The following ATG7 variants were observed in gnomAD, a reference collection of about 807,000 sequenced individuals.
ATG7 encodes autophagy related 7, also known as ubiquitin-like modifier-activating enzyme ATG7.
In ATG7, 70 loss-of-function variants were observed where a neutral mutation model predicts 82.4. The ratio of observed to expected loss-of-function variants is 0.85; its 90% confidence interval spans 0.70 to 1.04. ATG7 has a LOEUF of 1.04. Among genes scored for constraint, ATG7 ranks in the 50% least tolerant of loss-of-function variants. ATG7 has a pLI of 0.00. For synonymous variants in ATG7, 287 were observed against 313.0 expected, an observed-to-expected ratio of 0.92 and a Z score of 0.88; for missense variants, 792 against 864.3, an observed-to-expected ratio of 0.92 and a Z score of 1.05.
At chr3:11,411,368 G>A (rs1353627706) in intron 19 of ATG7, among the ~76,000 whole-genome samples, 1 of 152,100 alleles carries the variant, frequency 6.6e-6, no homozygotes, top group African/African-American at 2.4e-5. Flanking sequence ...GCTCATGCCT[G>A]TAATCCCAGC....
intron 1 of ATG7, among the ~76,000 whole-genome samples, chr3:11,273,091 G>A (rs998283854): frequency 2.6e-5 from 4 of 152,210 alleles, no homozygotes; most frequent in African/African-American, 9.7e-5. Context: ...GCACGTGCGT[G>A]CAGTTTCCTG....
intron 19 of ATG7, among the ~76,000 whole-genome samples, chr3:11,390,180 A>C (rs2078679529): frequency 6.6e-6 from 1 of 152,214 alleles, no homozygotes; most frequent in Non-Finnish European, 1.5e-5. Context: ...CCTTCCATAA[A>C]ATTGCTAATA....
chr3:11,359,141 C>T (rs1056307498), intron 15 of ATG7, among the ~76,000 whole-genome samples: 1 of 151,820 alleles, frequency 6.6e-6, no homozygotes, highest in African/African-American at 2.4e-5. Flanking sequence ...TAAGTATCTA[C>T]TTATCTGTCT....
At chr3:11,420,776 A>C (rs1272183975) in intron 19 of ATG7, among the ~76,000 whole-genome samples, 1 of 97,942 alleles carries the variant, frequency 1.0e-5, no homozygotes, top group African/African-American at 4.4e-5. Flanking sequence ...TTTTTTTTTG[A>C]GACAGAGTCT....
chr3:11,504,798 C>T (rs1485451172), intron 20 of ATG7, among the ~76,000 whole-genome samples: 1 of 152,086 alleles, frequency 6.6e-6, no homozygotes, highest in African/African-American at 2.4e-5. Flanking sequence ...ACATGGCTTA[C>T]CTAGATACAG....
chr3:11,392,494 A>G (rs2078900631), intron 19 of ATG7, among the ~76,000 whole-genome samples: 1 of 151,776 alleles, frequency 6.6e-6, no homozygotes, highest in African/African-American at 2.4e-5. Flanking sequence ...ACAAAACAAA[A>G]AAACAAAAGC....
chr3:11,559,472 T>A, downstream of ATG7: 1 of 1,542,724 alleles, frequency 6.5e-7, no homozygotes, highest in Non-Finnish European at 8.7e-7. Flanking sequence ...GGAGGAGGGG[T>A]GTCAGTATGT....
chr3:11,501,728 T>C (rs1410355311), intron 20 of ATG7, among the ~76,000 whole-genome samples: 1 of 152,154 alleles, frequency 6.6e-6, no homozygotes, highest in Non-Finnish European at 1.5e-5. Context: ...CTCCCTCTGT[T>C]GCCCAGGCTG....
chr3:11,362,831 T>G lies in ATG7; in HGVS notation c.1702T>G (p.Leu568Val). 1 of 1,614,036 alleles carries G rather than the reference T, an allele frequency of 6.2e-7. No homozygotes were observed. The highest frequency in any genetic ancestry group is 8.5e-7 in the Non-Finnish European group (1 of 1,179,946). ...APGDSTRDRT[L>V]DQQCTVSRPG... ...TTTGCAGTCAACCAGAGACCGGACC[T>G]TGGACCAGCAGTGCACTGTGAGTCG... is the stretch of plus-strand genomic sequence containing the variant. Residue 568 changes from leucine (L) to valine (V), a missense_variant, in exon 17 of 21, where the codon TTG becomes GTG. Coordinates refer to ENST00000693202, the MANE Select transcript of ATG7 (RefSeq NM_001349232.2).
chr3:11,379,011 G>A (rs1163475737), intron 18 of ATG7, among the ~76,000 whole-genome samples: 2 of 152,048 alleles, frequency 1.3e-5, no homozygotes, highest in African/African-American at 4.8e-5. Flanking sequence ...TTCTGAGAGG[G>A]AGGGAAGCAG....
intron 20 of ATG7, among the ~76,000 whole-genome samples, chr3:11,513,185 C>T (rs1483736288): frequency 4.6e-5 from 7 of 152,268 alleles, no homozygotes; most frequent in African/African-American, 1.7e-4. Flanking sequence ...TGGCTTCACC[C>T]AGTGGATCCC....
intron 3 of ATG7, chr3:11,290,662 G>T: frequency 4.3e-6 from 1 of 230,502 alleles, no homozygotes; most frequent in Non-Finnish European, 8.8e-6. Flanking sequence ...ACCACTATCT[G>T]CAATTAATAT....
intron 20 of ATG7, among the ~76,000 whole-genome samples, chr3:11,542,847 G>A (rs367585913): frequency 6.6e-6 from 1 of 151,098 alleles, no homozygotes; most frequent in Non-Finnish European, 1.5e-5. Flanking sequence ...TAGCTCGGAG[G>A]TGCTGACCTT....
intron 19 of ATG7, among the ~76,000 whole-genome samples, chr3:11,391,362 G>T (rs2152871639): frequency 6.6e-6 from 1 of 152,328 alleles, no homozygotes; most frequent in South Asian, 2.1e-4. Context: ...CACTGATGGG[G>T]AAGGATGAAT....
At chr3:11,462,182 C>T (rs937320725) in intron 20 of ATG7, among the ~76,000 whole-genome samples, 5 of 152,078 alleles carry the variant, frequency 3.3e-5, no homozygotes, top group Admixed American at 3.3e-4. Flanking sequence ...GAGCGTCTGC[C>T]ACCCTTCTAG....
chr3:11,499,577 T>C lies in ATG7; in HGVS notation c.2080-55234T>C, dbSNP rs558753850. On this transcript the variant is annotated intron_variant, in intron 20 of 20. Coordinates refer to ENST00000693202, the MANE Select transcript of ATG7 (RefSeq NM_001349232.2). ...CCTGGCTAATGTGGTGAAACCCTGT[T>C]TCTACTAAAAATACAAAAAATTAGA... 3.3e-5 allele frequency among the ~76,000 whole-genome samples: 5 copies of C among 151,818 alleles called. No individual in the cohort carries two copies. In the South Asian group the frequency reaches 8.4e-4, roughly 25 times the overall value.
intron 20 of ATG7, among the ~76,000 whole-genome samples, chr3:11,495,527 A>G (rs1047239863): frequency 6.6e-6 from 1 of 152,212 alleles, no homozygotes; most frequent in African/African-American, 2.4e-5. Context: ...GCCCAGACCA[A>G]GCCACTGACT....
chr3:11,295,788 C>CTTTTT, intron 3 of ATG7, among the ~76,000 whole-genome samples: 1 of 93,798 alleles, frequency 1.1e-5, no homozygotes. Context: ...TTCTTTCTTT[C>CTTTTT]TTTTTTTTTT....
intron 20 of ATG7, among the ~76,000 whole-genome samples, chr3:11,540,199 G>A (rs1352968518): frequency 2.0e-5 from 3 of 152,246 alleles, no homozygotes; most frequent in Non-Finnish European, 4.4e-5. Flanking sequence ...CCATGTGCTT[G>A]TCAGCACTTG....
Sources: allele counts gnomAD v4.1 joint callset (sites outside exome capture counted in the v4.1 genomes callset), GRCh38; gene constraint gnomAD v4.1.1; transcripts MANE v1.5; gene names NCBI Gene and HGNC (gene_info 2026-07-23, HGNC 2026-07-21).